The following RELCH variants were observed in gnomAD, a reference collection of about 807,000 sequenced individuals.
The protein encoded by RELCH is RAB11 binding and LisH domain, coiled-coil and HEAT repeat containing.
RELCH carries 41 observed loss-of-function variants against 150.3 expected under a neutral mutation model. The ratio of observed to expected loss-of-function variants is 0.27; its 90% CI spans 0.21 to 0.35. RELCH has a LOEUF of 0.35. Among genes scored for constraint, RELCH ranks in the 10% least tolerant of loss-of-function variants. The pLI, the probability that RELCH is intolerant of heterozygous loss-of-function variation, is 1.00. For synonymous variants in RELCH, 478 were observed against 531.8 expected (o/e 0.90, Z 1.39); for missense variants, 1,092 against 1,467.8 (o/e 0.74, Z 4.18).
rs2038265191 is a variant in RELCH at position 62,188,031 on chromosome 18, A to T, written c.526A>T (p.Asn176Tyr). 6.4e-7 allele frequency: 1 copy of T among 1,557,010 alleles called. No individual in the cohort carries two copies. Among genetic ancestry groups the T allele is most frequent in the Admixed American group, 1.9e-5 (1 of 52,872 alleles). ...TACAGCGTCGGGCGGGGGACAGCTC[A>T]GTAAGTGGACGCAGCCTGTCACACT... ...PSTASGGGQL[N>Y]RAGSISTLDS... Residue 176 changes from asparagine (N) to tyrosine (Y), a missense_variant and splice_region_variant, in exon 1 of 29, where the codon AAT (asparagine) becomes TAT (tyrosine). Physicochemically the swap from Asn to Tyr is moderately radical, Grantham distance 143. Around this residue, in one of 4 missense-constraint regions of RELCH, gnomAD observed 190 missense variants for 276.2 expected, o/e 0.69. Transcript: ENST00000644646.
rs2043278218 is a variant in RELCH, at chr18:62,261,665, A to T, written c.2350+7A>T. The T allele has an allele frequency of 6.3e-7, 1 of 1,599,450 alleles. No homozygotes were observed. The highest frequency in any genetic ancestry group is 8.5e-7 in the Non-Finnish European group (1 of 1,173,272). ...GAAGTGCCACAGATAGAAGGTACTGAACTTAAATTCTGGAAGAAAAATGTA... is the reference window on the plus strand; with the variant it reads ...GAAGTGCCACAGATAGAAGGTACTGTACTTAAATTCTGGAAGAAAAATGTA... On this transcript the variant is annotated splice_region_variant and intron_variant, in intron 16 of 28. Transcript: ENST00000644646.
At chr18:62,212,146 C>T (rs2040211793) in intron 2 of RELCH, among the ~76,000 whole-genome samples, 1 of 152,232 alleles carries the variant, frequency 6.6e-6, no homozygotes. Context: ...TCTGCCTACA[C>T]CAGATAAGCC....
At chr18:62,294,512 G>A (rs1156761179) in intron 27 of RELCH, among the ~76,000 whole-genome samples, 2 of 152,046 alleles carry the variant, frequency 1.3e-5, no homozygotes, top group Non-Finnish European at 2.9e-5. Flanking sequence ...TAGGTTTTCT[G>A]CCTATTTTTC....
Position 62,305,753 on chromosome 18 carries a change from G to A in RELCH, c.*219G>A. Reference sequence around the variant, plus strand: ...TGATAGAAAATTGAGTTGATGGTCTGTACCAAGTCCCTTGTCTATGTTCTT... The same window carrying A: ...TGATAGAAAATTGAGTTGATGGTCTATACCAAGTCCCTTGTCTATGTTCTT... On this transcript the variant is annotated 3_prime_UTR_variant, in exon 29 of 29. Coordinates refer to ENST00000644646, the MANE Select transcript of RELCH (RefSeq NM_001346231.2). This position sits in a 1 kb window ranked among gnomAD's most constrained non-coding sequence, Gnocchi z 4.0. 1 of 289,728 alleles carries A rather than the reference G, an allele frequency of 3.5e-6. No individual in the cohort carries two copies. The highest frequency in any genetic ancestry group is 6.3e-6 in the Non-Finnish European group (1 of 159,380). 17.9% of individuals were successfully genotyped at this position (289,728 alleles called of 1,614,324 possible). A position where few individuals can be genotyped will look rare whatever the true frequency, so the allele number is the denominator to read the frequency against.
chr18:62,231,537 A>G (rs2041579854), intron 9 of RELCH, among the ~76,000 whole-genome samples: 1 of 152,064 alleles, frequency 6.6e-6, no homozygotes, highest in African/African-American at 2.4e-5. Flanking sequence ...TAATGACAGC[A>G]TCTCTTAGAT....
intron 11 of RELCH, among the ~76,000 whole-genome samples, chr18:62,247,564 G>A (rs988660681): frequency 2.7e-5 from 4 of 148,146 alleles, no homozygotes; most frequent in African/African-American, 1.0e-4. Flanking sequence ...TTTTTCCTGA[G>A]ACAGGGTCTC....
intron 1 of RELCH, among the ~76,000 whole-genome samples, chr18:62,201,924 T>A (rs1356615739): frequency 6.6e-6 from 1 of 152,150 alleles, no homozygotes. Context: ...TCAATTATAG[T>A]AAAAACATTT....
intron 11 of RELCH, among the ~76,000 whole-genome samples, chr18:62,250,403 G>C (rs552526069): frequency 6.6e-6 from 1 of 152,100 alleles, no homozygotes; most frequent in African/African-American, 2.4e-5. Context: ...AACATGTATG[G>C]CTTCTCATTT....
chr18:62,258,793 C>CA, intron 15 of RELCH, 117 bp downstream of exon 15: 1 of 602,436 alleles, frequency 1.7e-6, no homozygotes, highest in East Asian at 3.4e-5. Flanking sequence ...CATACTAATA[C>CA]ATTACCAGTT....
intron 25 of RELCH, among the ~76,000 whole-genome samples, chr18:62,284,563 ACTTACC>A (rs1170176092): frequency 2.0e-5 from 3 of 152,290 alleles, no homozygotes; most frequent in African/African-American, 7.2e-5. Context: ...TTGCTTTAGA[ACTTACC>A]CTGAGGAATT....
intron 11 of RELCH, among the ~76,000 whole-genome samples, chr18:62,249,411 GC>G (rs1001895729): frequency 6.6e-6 from 1 of 152,086 alleles, no homozygotes; most frequent in Non-Finnish European, 1.5e-5. Context: ...GCCCTAACAT[GC>G]AAGTCAACTA....
At chr18:62,249,654 A>C (rs1170532434) in intron 11 of RELCH, among the ~76,000 whole-genome samples, 1 of 152,058 alleles carries the variant, frequency 6.6e-6, no homozygotes, top group Non-Finnish European at 1.5e-5. Flanking sequence ...TAAACCTTGC[A>C]TGTAAAGCTA....
chr18:62,309,966 A>G lies in RELCH; in HGVS notation c.*4432A>G, dbSNP rs1470983666. ...TTAACAAACTGCTTCCCTCCTGGAA[A>G]AGTAACCCTTTCTTAATTGTTGGCA... is the stretch of plus-strand genomic sequence containing the variant. On this transcript the variant is annotated 3_prime_UTR_variant, in exon 29 of 29. Coordinates refer to ENST00000644646, the MANE Select transcript of RELCH (RefSeq NM_001346231.2). 2 of 152,212 alleles carry G rather than the reference A, an allele frequency of 1.3e-5. No homozygotes were observed. The highest frequency in any genetic ancestry group is 2.4e-5 in the African/African-American group (1 of 41,460). 9.4% of individuals were successfully genotyped at this position (152,212 alleles called of 1,614,324 possible).
chr18:62,250,015 T>G (rs1385281597), intron 11 of RELCH, among the ~76,000 whole-genome samples: 1 of 152,114 alleles, frequency 6.6e-6, no homozygotes, highest in Non-Finnish European at 1.5e-5. Context: ...GCAACCATAA[T>G]TGGTACCATA....
At position 62,231,212 on chromosome 18, in the gene RELCH, C is replaced by T. The variant is rs1306597696; in HGVS notation, c.1467C>T (p.Phe489=). ...DKPNRKLSPA[F]HQALLSFCRM... is the part of the protein sequence containing the mutation. ...CTTCTAGGAAATTGTCTCCTGCATT[C>T]CATCAAGCACTACTCTCTTTTTGTC... Residue 489 remains phenylalanine (F), a synonymous_variant, in exon 9 of 29, where the codon TTC becomes TTT. Transcript: ENST00000644646. The T allele has an allele frequency of 6.2e-7, 1 of 1,602,936 alleles. No individual in the cohort carries two copies.
chr18:62,257,799 T>G (rs924091973), intron 13 of RELCH, 149 bp from the exon 14 acceptor site: 6 of 587,332 alleles, frequency 1.0e-5, no homozygotes, highest in Non-Finnish European at 5.6e-6. Context: ...TGAAGCAAAA[T>G]CTCTGTACAT....
intron 2 of RELCH, among the ~76,000 whole-genome samples, chr18:62,219,526 A>C (rs2040714109): frequency 6.6e-6 from 1 of 151,208 alleles, no homozygotes; most frequent in East Asian, 1.9e-4. Context: ...GTAAACCAAC[A>C]TGCTGTGTAA....
chr18:62,281,842 T>A (rs1325910272), intron 24 of RELCH, among the ~76,000 whole-genome samples: 1 of 152,232 alleles, frequency 6.6e-6, no homozygotes, highest in African/African-American at 2.4e-5. Flanking sequence ...GCTTGCAGTC[T>A]TGGCAGAATT....
intron 1 of RELCH, among the ~76,000 whole-genome samples, chr18:62,201,573 A>G (rs539417468): frequency 6.6e-6 from 1 of 152,346 alleles, no homozygotes; most frequent in Admixed American, 6.5e-5. Flanking sequence ...GGAAAATGCC[A>G]AAAGTAAAAA....
Sources: allele counts gnomAD v4.1 joint callset (sites outside exome capture counted in the v4.1 genomes callset), GRCh38; gene constraint gnomAD v4.1.1; regional missense constraint gnomAD v4.1.1; non-coding constraint Gnocchi (gnomAD v3.1); transcripts MANE v1.5; gene names NCBI Gene and HGNC (gene_info 2026-07-23, HGNC 2026-07-21).